Variants in CCNT2 observed in about 807,000 individuals in gnomAD.
CCNT2 encodes the protein cyclin T2, also known as cyclin-T2.
A neutral mutation model predicts 70.0 loss-of-function variants in CCNT2; 18 were observed. That is an observed-to-expected ratio of 0.26 (90% CI 0.18 to 0.38). CCNT2 has a LOEUF of 0.38. Ranked by LOEUF, CCNT2 falls within the 10% of genes least tolerant of loss-of-function variation. The pLI is 1.00. For synonymous variants in CCNT2, 334 were observed against 313.3 expected (o/e 1.07, Z -0.70); for missense variants, 734 against 890.2 (o/e 0.82, Z 2.23).
chr2:134,951,661 C>T (rs769944116), intron 7 of CCNT2, among the ~76,000 whole-genome samples: 6 of 151,948 alleles, frequency 3.9e-5, no homozygotes, highest in Admixed American at 1.3e-4. Flanking sequence ...GTCAACATAG[C>T]GAGACCCTGT....
chr2:134,944,219 G>A (rs1464414011), intron 5 of CCNT2: 1 of 980,168 alleles, frequency 1.0e-6, no homozygotes, highest in African/African-American at 1.8e-5. Context: ...ATAACTAGTT[G>A]TAGTTGTTGA....
Position 134,918,873 on chromosome 2 carries a change from G to T in CCNT2, c.19G>T (p.Ala7Ser), listed in dbSNP as rs1352601143. The T allele has an allele frequency of 6.2e-7, 1 of 1,613,726 alleles. No individual in the cohort carries two copies. Among genetic ancestry groups the T allele is most frequent in the African/African-American group, 1.3e-5 (1 of 75,068 alleles). Reference protein sequence around the residue: MASGRGASSRWFFTREQ... With the variant: MASGRGSSSRWFFTREQ... ...AAGTGTCATGGCGTCGGGCCGTGGAGCTTCTTCTCGCTGGTTCTTTACTCG... is the reference window on the plus strand; with the variant it reads ...AAGTGTCATGGCGTCGGGCCGTGGATCTTCTTCTCGCTGGTTCTTTACTCG... The change falls in exon 1 of 9, where the codon GCT (alanine) becomes TCT (serine). Residue 7 changes from alanine (A) to serine (S), a missense_variant. Physicochemically the swap from Ala to Ser is moderately conservative, Grantham distance 99. Transcript: ENST00000264157.
chr2:134,940,789 A>G lies in CCNT2; in HGVS notation c.430+1727A>G, dbSNP rs1681525869. Among the ~76,000 whole-genome samples the G allele has an allele frequency of 2.0e-5, 3 of 152,232 alleles. No homozygotes were observed. The South Asian group carries it at 6.2e-4, about 32-fold the overall frequency. The stretch of plus-strand genomic sequence containing the variant: ...GATTAATACCATGGGACCCATACAA[A>G]GTGCCTCTAGTGATGCCAGAAGTGC... On this transcript the variant is annotated intron_variant, in intron 4 of 8. Coordinates refer to ENST00000264157, the MANE Select transcript of CCNT2 (RefSeq NM_058241.3).
intron 2 of CCNT2, among the ~76,000 whole-genome samples, chr2:134,929,636 A>AGAGAGAGAGAGAGAG (rs1419165195): frequency 1.8e-4 from 24 of 129,798 alleles, no homozygotes; most frequent in South Asian, 8.6e-4. Context: ...AGAGAGAGAG[A>AGAGAGAGAGAGAGAG]ACTAATAAAT....
chr2:134,945,756 C>T, intron 5 of CCNT2: 2 of 1,293,408 alleles, frequency 1.5e-6, no homozygotes. Context: ...AAAATCTTTT[C>T]TTCTTCTTCT....
chr2:134,936,830 C>T lies in CCNT2; in HGVS notation c.241-11C>T, dbSNP rs758501823. On this transcript the variant is annotated splice_polypyrimidine_tract_variant and intron_variant, in intron 2 of 8. Transcript: ENST00000264157. ...TGTTCTTAAATGACCAGAGTTTTAT[C>T]TTTTCTGCAGATAATATCGTCTACT... 1 of 1,600,224 alleles carries T rather than the reference C, an allele frequency of 6.2e-7. No homozygotes were observed. Among genetic ancestry groups the T allele is most frequent in the South Asian group, 1.1e-5 (1 of 87,966 alleles).
chr2:134,926,040 T>G (rs201064745), intron 2 of CCNT2, among the ~76,000 whole-genome samples: 1 of 149,918 alleles, frequency 6.7e-6, no homozygotes, highest in East Asian at 2.0e-4. Context: ...ATTTTTTTAA[T>G]TTTTTGTAGA....
At chr2:134,952,578 A>T in intron 7 of CCNT2, 63 bp from the exon 8 acceptor site, 1 of 957,246 alleles carries the variant, frequency 1.0e-6, no homozygotes, top group Non-Finnish European at 1.6e-6. Context: ...AATACTGCCC[A>T]CTTAAGAGAA....
chr2:134,958,098 A>G lies in CCNT2; in HGVS notation c.*3450A>G, dbSNP rs1459902837. 5 of 152,228 alleles carry G rather than the reference A, an allele frequency of 3.3e-5. No homozygotes were observed. The highest frequency in any genetic ancestry group is 7.3e-5 in the Non-Finnish European group (5 of 68,032). The allele number at this position is 152,228 out of a possible 1,614,324, so 9.4% of individuals were successfully genotyped here. A position where few individuals can be genotyped will look rare whatever the true frequency, so the allele number is the denominator to read the frequency against. ...CGTTAAGCAACCTTAGAAATAAACC[A>G]CTGCTTATATCTGCATGAATATTAT... is the stretch of plus-strand genomic sequence containing the variant. On this transcript the variant is annotated 3_prime_UTR_variant, in exon 9 of 9. Coordinates refer to ENST00000264157, the MANE Select transcript of CCNT2 (RefSeq NM_058241.3).
In CCNT2 at chr2:134,918,930, T is replaced by C; in HGVS notation, c.76T>C (p.Cys26Arg). 6.2e-7 allele frequency: 1 copy of C among 1,614,058 alleles called. No homozygotes were observed. Among genetic ancestry groups the C allele is most frequent in the South Asian group, 1.1e-5 (1 of 91,080 alleles). Reference sequence around the variant, plus strand: ...GCTGGAGAACACGCCGAGCCGCCGCTGCGGAGTGGAGGCGGATAAAGAGCT... The same window carrying C: ...GCTGGAGAACACGCCGAGCCGCCGCCGCGGAGTGGAGGCGGATAAAGAGCT... ...EQLENTPSRR[C>R]GVEADKELSC... The change falls in exon 1 of 9, where the codon TGC becomes CGC. Residue 26 changes from cysteine to arginine, a missense_variant. Cys to Arg is a radical substitution (Grantham distance 180, BLOSUM62 -3). Around this residue, in one of 3 missense-constraint regions of CCNT2, gnomAD observed 161 missense variants for 303.8 expected, o/e 0.53. Transcript: ENST00000264157.
intron 2 of CCNT2, among the ~76,000 whole-genome samples, chr2:134,930,943 T>TA (rs1680706823): frequency 1.3e-5 from 2 of 151,842 alleles, no homozygotes; most frequent in East Asian, 3.9e-4. Flanking sequence ...AGTTAGTTTT[T>TA]ATGTATGATG....
In CCNT2 at chr2:134,918,998, A is replaced by G; in HGVS notation, c.144A>G (p.Gly48=). The change falls in exon 1 of 9, where the codon GGA becomes GGG. Residue 48 remains glycine, a synonymous_variant. Coordinates refer to ENST00000264157, the MANE Select transcript of CCNT2 (RefSeq NM_058241.3). The part of the protein sequence containing the change: ...QQAANLIQEM[G]QRLNVSQLTI... The stretch of plus-strand genomic sequence containing the variant: ...CGGCCAACCTCATCCAGGAGATGGG[A>G]CAGCGTCTCAATGTGTATCCTTTTC... 1 of 1,612,236 alleles carries G rather than the reference A, an allele frequency of 6.2e-7. No homozygotes were observed.
intron 4 of CCNT2, among the ~76,000 whole-genome samples, chr2:134,941,776 C>G (rs1681601952): frequency 6.6e-6 from 1 of 152,042 alleles, no homozygotes; most frequent in African/African-American, 2.4e-5. Context: ...ATGACATATT[C>G]TTAAGCACAG....
In CCNT2 at chr2:134,953,879, G is replaced by T; in HGVS notation, c.1424G>T (p.Ser475Ile). Residue 475 changes from serine (S) to isoleucine (I), a missense_variant, in exon 9 of 9, where the codon AGC becomes ATC. Transcript: ENST00000264157. ...CAAGGGCAGTCACAGGCAGCCAGCAGCAGTTCTGTTACTTCTCCCATTAAA... is the reference window on the plus strand; with the variant it reads ...CAAGGGCAGTCACAGGCAGCCAGCATCAGTTCTGTTACTTCTCCCATTAAA... ...HKQGQSQAAS[S>I]SSVTSPIKMK... The T allele has an allele frequency of 6.2e-7, 1 of 1,614,050 alleles. No homozygotes were observed. Among genetic ancestry groups the T allele is most frequent in the African/African-American group, 1.3e-5 (1 of 75,030 alleles).
chr2:134,951,943 T>A (rs926159189), intron 7 of CCNT2, among the ~76,000 whole-genome samples: 1 of 152,218 alleles, frequency 6.6e-6, no homozygotes, highest in African/African-American at 2.4e-5. Flanking sequence ...TCTTTCCTTG[T>A]CTTTCATAAC....
intron 5 of CCNT2, chr2:134,944,447 T>C (rs1398249616): frequency 5.2e-6 from 5 of 966,336 alleles, no homozygotes; most frequent in Non-Finnish European, 4.9e-6. Flanking sequence ...CAACTTTAAA[T>C]TCTTTATCAG....
At chr2:134,931,636 A>C (rs1249985033) in intron 2 of CCNT2, among the ~76,000 whole-genome samples, 1 of 152,220 alleles carries the variant, frequency 6.6e-6, no homozygotes, top group Admixed American at 6.5e-5. Flanking sequence ...ATCTGTAGAT[A>C]AATTTGGGGA....
chr2:134,948,470 C>T (rs1682168423), intron 7 of CCNT2, among the ~76,000 whole-genome samples: 2 of 152,088 alleles, frequency 1.3e-5, no homozygotes, highest in African/African-American at 2.4e-5. Context: ...AAGCAGTAAA[C>T]GAAAGGGATT....
Position 134,957,635 on chromosome 2 carries a change from G to A in CCNT2, c.*2987G>A, listed in dbSNP as rs560029760. ...AAACATTCTTAGAGGCCTACTTAAC[G>A]GGCGGCAGTATCCGGTAGTGGTAAA... On this transcript the variant is annotated 3_prime_UTR_variant, in exon 9 of 9. Coordinates refer to ENST00000264157, the MANE Select transcript of CCNT2 (RefSeq NM_058241.3). 6 of 152,250 alleles carry A rather than the reference G, an allele frequency of 3.9e-5. No individual in the cohort carries two copies. The highest frequency in any genetic ancestry group is 1.9e-4 in the East Asian group (1 of 5,186). 9.4% of individuals were successfully genotyped at this position (152,250 alleles called of 1,614,324 possible).
Sources: allele counts gnomAD v4.1 joint callset (sites outside exome capture counted in the v4.1 genomes callset), GRCh38; gene constraint gnomAD v4.1.1; regional missense constraint gnomAD v4.1.1; transcripts MANE v1.5; gene names NCBI Gene and HGNC (gene_info 2026-07-23, HGNC 2026-07-21).